MGAT5B: variants seen among roughly 807,000 people sequenced by gnomAD.
MGAT5B encodes N-acetylglucosaminyl-transferase Vb.
MGAT5B carries 54 observed loss-of-function variants against 95.1 expected under a neutral mutation model. The ratio of observed to expected loss-of-function variants is 0.57; its 90% CI spans 0.46 to 0.71. The LOEUF (loss-of-function observed/expected upper bound fraction) is 0.71. Ranked by LOEUF, MGAT5B falls within the 30% of genes least tolerant of loss-of-function variation. MGAT5B has a pLI of 0.00. For missense variants in MGAT5B, 935 were observed against 1,088.6 expected, an observed-to-expected ratio of 0.86 and a Z score of 1.99; for synonymous variants, 464 against 451.0, an observed-to-expected ratio of 1.03 and a Z score of -0.36.
At chr17:76,934,588 T>C (rs1969594870) in intron 12 of MGAT5B, among the ~76,000 whole-genome samples, 1 of 152,096 alleles carries the variant, frequency 6.6e-6, no homozygotes, top group South Asian at 2.1e-4. Flanking sequence ...CTGTGGGCAC[T>C]GGGTGCTGGA....
chr17:76,868,982 G>A lies in MGAT5B; in HGVS notation c.-48G>A, dbSNP rs779289738. ...ACGCGGCGAGAGCTGGGCCCAGGAC[G>A]GTGCGTCCGGCCTCGCCCGCGGCTG... On this transcript the variant is annotated 5_prime_UTR_variant, in exon 1 of 18. Transcript: ENST00000569840. The surrounding 1 kb of genome is among the most constrained non-coding windows in gnomAD (Gnocchi z 6.3). The A allele has an allele frequency of 4.4e-6, 7 of 1,581,818 alleles. No homozygotes were observed. The highest frequency in any genetic ancestry group is 6.1e-6 in the Non-Finnish European group (7 of 1,151,588).
chr17:76,882,295 A>G lies in MGAT5B; in HGVS notation c.326A>G (p.Asp109Gly). 6.2e-7 allele frequency: 1 copy of G among 1,610,698 alleles called. No individual in the cohort carries two copies. The highest frequency in any genetic ancestry group is 1.7e-4 in the Middle Eastern group (1 of 5,910). ...RAGGDLHFPA[D>G]RMPPGAGLME... is the part of the protein sequence containing the mutation. Reference sequence around the variant, plus strand: ...GGCGGCGACCTGCACTTTCCCGCAGACAGGTGAGGGGACGTGGGGAGGAGG... The same window carrying G: ...GGCGGCGACCTGCACTTTCCCGCAGGCAGGTGAGGGGACGTGGGGAGGAGG... Residue 109 changes from aspartate (D) to glycine (G), a missense_variant, in exon 3 of 18, where the codon GAC becomes GGC. Coordinates refer to ENST00000569840, the MANE Select transcript of MGAT5B (RefSeq NM_001199172.2).
Position 76,902,367 on chromosome 17 carries a change from G to A in MGAT5B, c.330-188G>A, listed in dbSNP as rs577163902. 3.9e-5 allele frequency among the ~76,000 whole-genome samples: 6 copies of A among 152,294 alleles called. No homozygotes were observed. In the East Asian group the frequency reaches 1.2e-3, roughly 29 times the overall value. On this transcript the variant is annotated intron_variant, in intron 3 of 17. Transcript: ENST00000569840. ...ATGTCTGTAATGTGTGTACTGGATGGGGTGGGCTGCCAGCTCCATCTTCTC... is the reference window on the plus strand; with the variant it reads ...ATGTCTGTAATGTGTGTACTGGATGAGGTGGGCTGCCAGCTCCATCTTCTC...
chr17:76,882,173 CG>C lies in MGAT5B; in HGVS notation c.206del (p.Gly69AlafsTer6). 6.2e-7 allele frequency: 1 copy of C among 1,612,136 alleles called. No individual in the cohort carries two copies. Among genetic ancestry groups the C allele is most frequent in the East Asian group, 2.2e-5 (1 of 44,834 alleles). On this transcript the variant is annotated frameshift_variant, in exon 3 of 18. Transcript: ENST00000569840. LOFTEE classifies it high-confidence loss of function. ...TEVMGGPESR[G>X]VLRKMSDLLE... The stretch of plus-strand genomic sequence containing the variant: ...CAGTGATGGGGGGCCCCGAGTCCCG[CG>C]GCGTCCTGCGCAAGATGAGCGACCT...
chr17:76,934,508 G>T (rs1005273170), intron 12 of MGAT5B, among the ~76,000 whole-genome samples: 1 of 152,212 alleles, frequency 6.6e-6, no homozygotes, highest in Non-Finnish European at 1.5e-5. Context: ...TCACTGTGGG[G>T]TGTGGAGCGG....
Position 76,949,711 on chromosome 17 carries a change from C to T in MGAT5B, c.*873C>T, listed in dbSNP as rs1970148105. 6.6e-6 allele frequency: 1 copy of T among 152,186 alleles called. No homozygotes were observed. The highest frequency in any genetic ancestry group is 2.4e-5 in the African/African-American group (1 of 41,424). 9.4% of individuals were successfully genotyped at this position (152,186 alleles called of 1,614,324 possible). On this transcript the variant is annotated 3_prime_UTR_variant, in exon 18 of 18. Coordinates refer to ENST00000569840, the MANE Select transcript of MGAT5B (RefSeq NM_001199172.2). ...CCAAGGGGCAGGTTTCCAGTCCAGC[C>T]TCAGAGATCAGGCTCTGGGACCCCT...
intron 3 of MGAT5B, among the ~76,000 whole-genome samples, chr17:76,896,148 A>G (rs1320193352): frequency 6.6e-6 from 1 of 152,170 alleles, no homozygotes; most frequent in East Asian, 1.9e-4. Flanking sequence ...TTTTCCAACC[A>G]AGCATTTCCC....
rs564580541 is a variant in MGAT5B, at chr17:76,912,007, C to T, written c.1025+5820C>T. ...GGTTTCCTAGTGAGGAACTTGGTGA[C>T]CCTTGTCCTGCAGCTACATCTCTAC... On this transcript the variant is annotated intron_variant, in intron 8 of 17. Coordinates refer to ENST00000569840, the MANE Select transcript of MGAT5B (RefSeq NM_001199172.2). The surrounding 1 kb of genome is among the most constrained non-coding windows in gnomAD (Gnocchi z 5.0). 5.2e-4 allele frequency among the ~76,000 whole-genome samples: 79 copies of T among 152,286 alleles called. No individual in the cohort carries two copies. Among genetic ancestry groups the T allele is most frequent in the African/African-American group, 1.8e-3 (76 of 41,556 alleles).
At chr17:76,910,193 T>G (rs1030855714) in intron 8 of MGAT5B, among the ~76,000 whole-genome samples, 1 of 152,178 alleles carries the variant, frequency 6.6e-6, no homozygotes, top group Non-Finnish European at 1.5e-5. Flanking sequence ...TGTTGTCAGA[T>G]CCAGCTGTTC....
Position 76,938,252 on chromosome 17 carries a change from C to T in MGAT5B, c.1584+109C>T. The T allele has an allele frequency of 7.2e-7, 1 of 1,392,330 alleles. No individual in the cohort carries two copies. The allele number at this position is 1,392,330 out of a possible 1,614,324, so 86.2% of individuals were successfully genotyped here. A position where few individuals can be genotyped will look rare whatever the true frequency, so the allele number is the denominator to read the frequency against. ...GGCCCCTTCCACATATGGACATACCCCAGCATGCTCTGCTGCCCTGAGCCC... is the reference window on the plus strand; with the variant it reads ...GGCCCCTTCCACATATGGACATACCTCAGCATGCTCTGCTGCCCTGAGCCC... On this transcript the variant is annotated intron_variant, in intron 13 of 17. Coordinates refer to ENST00000569840, the MANE Select transcript of MGAT5B (RefSeq NM_001199172.2). The surrounding 1 kb of genome is among the most constrained non-coding windows in gnomAD (Gnocchi z 4.3).
chr17:76,902,810 G>T (rs866530642), intron 4 of MGAT5B, 140 bp downstream of exon 4: 2 of 675,910 alleles, frequency 3.0e-6, no homozygotes, highest in East Asian at 2.8e-5. Context: ...CGGGGCCCCA[G>T]TTTAGGCTTT....
chr17:76,928,606 G>A (rs1026892646), intron 10 of MGAT5B, among the ~76,000 whole-genome samples: 10 of 152,078 alleles, frequency 6.6e-5, no homozygotes, highest in African/African-American at 2.2e-4. Context: ...TCAGGAGGCT[G>A]AGGCAGGAGA....
intron 4 of MGAT5B, 65 bp downstream of exon 4, chr17:76,902,735 GCCCT>G: frequency 7.3e-6 from 6 of 821,388 alleles, no homozygotes; most frequent in Non-Finnish European, 9.7e-6. Context: ...TGCTGGGTGG[GCCCT>G]GGGAGGGTGG....
chr17:76,885,709 G>A (rs879431993), intron 3 of MGAT5B, among the ~76,000 whole-genome samples: 25 of 152,244 alleles, frequency 1.6e-4, no homozygotes, highest in Non-Finnish European at 2.5e-4. Context: ...CAATTTCAGG[G>A]ACACTGTGGT....
intron 3 of MGAT5B, among the ~76,000 whole-genome samples, chr17:76,899,722 A>G (rs750412713): frequency 2.0e-5 from 3 of 152,090 alleles, no homozygotes; most frequent in Non-Finnish European, 2.9e-5. Context: ...CCTGTAGGTC[A>G]GCATGGAAAG....
chr17:76,921,351 C>T (rs1443342384), intron 8 of MGAT5B, among the ~76,000 whole-genome samples: 2 of 152,204 alleles, frequency 1.3e-5, no homozygotes, highest in Non-Finnish European at 2.9e-5. Context: ...TTCCTTCTCC[C>T]CCATCCGTTA....
At chr17:76,904,174 G>C in intron 5 of MGAT5B, 78 bp from the exon 6 acceptor site, 1 of 1,426,844 alleles carries the variant, frequency 7.0e-7, no homozygotes, top group Non-Finnish European at 9.4e-7. Context: ...CAGGACCCCT[G>C]GGGGTGCACG....
chr17:76,941,340 G>T (rs1269602642), intron 15 of MGAT5B, among the ~76,000 whole-genome samples: 2 of 152,252 alleles, frequency 1.3e-5, no homozygotes, highest in East Asian at 3.8e-4. Flanking sequence ...GAACGTGGGT[G>T]CTGGTGTGTG....
At chr17:76,933,156 G>A (rs577436529) in intron 11 of MGAT5B, 136 bp from the exon 12 acceptor site, 2 of 1,055,038 alleles carry the variant, frequency 1.9e-6, no homozygotes, top group African/African-American at 3.1e-5. Flanking sequence ...AAGCAGGAGA[G>A]GCTTAGAGAT....
Sources: allele counts gnomAD v4.1 joint callset (sites outside exome capture counted in the v4.1 genomes callset), GRCh38; gene constraint gnomAD v4.1.1; non-coding constraint Gnocchi (gnomAD v3.1); transcripts MANE v1.5; gene names NCBI Gene and HGNC (gene_info 2026-07-23, HGNC 2026-07-21).